Variants in DLGAP4 observed in about 807,000 individuals in gnomAD.
DLGAP4 encodes DLG associated protein 4.
DLGAP4 carries 18 observed loss-of-function variants against 86.9 expected under a neutral mutation model. That is an observed-to-expected ratio of 0.21 (90% CI 0.14 to 0.31). DLGAP4 has a LOEUF of 0.31. DLGAP4 is among the 10% of genes least tolerant of loss of function. The pLI is 1.00. For missense variants in DLGAP4, 1,085 were observed against 1,362.6 expected (o/e 0.80, Z 3.21); for synonymous variants, 548 against 574.3 (o/e 0.95, Z 0.65).
intron 7 of DLGAP4, chr20:36,462,510 C>T: frequency 6.2e-7 from 1 of 1,600,656 alleles, no homozygotes; most frequent in Non-Finnish European, 8.5e-7. Flanking sequence ...CTCCTTGTCT[C>T]CCTCTCCCTT....
intron 10 of DLGAP4, among the ~76,000 whole-genome samples, chr20:36,505,092 A>G (rs2036304855): frequency 6.6e-6 from 1 of 151,960 alleles, no homozygotes; most frequent in African/African-American, 2.4e-5. Context: ...GGTTCAGGCA[A>G]TTCTCCTGCC....
chr20:36,526,333 G>A (rs6014937), intron 12 of DLGAP4, among the ~76,000 whole-genome samples: 82 of 152,266 alleles, frequency 5.4e-4, no homozygotes, highest in African/African-American at 1.9e-3. Flanking sequence ...CTGCTGCCAG[G>A]AGTCCTGGGG....
At chr20:36,317,286 T>TA (rs1363126960) in intron 1 of DLGAP4, among the ~76,000 whole-genome samples, 8,997 of 41,606 alleles carry the variant, frequency 0.22, 572 homozygotes, top group East Asian at 0.3. Flanking sequence ...TTATCTTTCT[T>TA]TCTTTCTTAT....
chr20:36,327,880 C>T (rs1169989007), intron 1 of DLGAP4, among the ~76,000 whole-genome samples: 3 of 148,486 alleles, frequency 2.0e-5, no homozygotes, highest in Admixed American at 1.3e-4. Flanking sequence ...CGTGAGCCAC[C>T]GCGCCCGGCA....
chr20:36,520,803 G>A (rs777455878), intron 10 of DLGAP4, among the ~76,000 whole-genome samples: 2 of 150,988 alleles, frequency 1.3e-5, no homozygotes, highest in African/African-American at 2.4e-5. Context: ...AAAATCCAAG[G>A]TCATGGAGAT....
intron 7 of DLGAP4, among the ~76,000 whole-genome samples, chr20:36,455,319 C>T (rs11905614): frequency 6.6e-6 from 1 of 152,106 alleles, no homozygotes; most frequent in Non-Finnish European, 1.5e-5. Flanking sequence ...GGCCCTCCTC[C>T]CCGTCCTCCC....
intron 7 of DLGAP4, among the ~76,000 whole-genome samples, chr20:36,453,225 T>A (rs569190538): frequency 4.6e-5 from 7 of 152,222 alleles, no homozygotes; most frequent in African/African-American, 1.7e-4. Context: ...CCCAGCACCG[T>A]AGGGAGGATC....
chr20:36,318,102 CCTCTCA>C lies in DLGAP4; in HGVS notation c.-304+11592_-304+11597del, dbSNP rs1175457034. Among the ~76,000 whole-genome samples the C allele has an allele frequency of 2.7e-3, 313 of 117,224 alleles. 2 individuals carry two copies. The highest frequency in any genetic ancestry group is 0.017 in the Middle Eastern group (4 of 230). 76.9% of individuals were successfully genotyped at this position (117,224 alleles called of 152,430 possible). ...CAGCTTAAAGCAGTAATAAATGTGT[CCTCTCA>C]CACACACACACACACACACACACAC... On this transcript the variant is annotated intron_variant, in intron 1 of 12. Coordinates refer to ENST00000339266, the MANE Select transcript of DLGAP4 (RefSeq NM_001365621.2).
intron 2 of DLGAP4, among the ~76,000 whole-genome samples, chr20:36,408,549 C>G (rs2032393542): frequency 6.6e-6 from 1 of 152,180 alleles, no homozygotes; most frequent in Admixed American, 6.5e-5. Context: ...CAGGTTTCAT[C>G]CTGCCATTGC....
At chr20:36,358,571 C>CT (rs1555894013) in intron 1 of DLGAP4, among the ~76,000 whole-genome samples, 1 of 152,178 alleles carries the variant, frequency 6.6e-6, no homozygotes, top group Non-Finnish European at 1.5e-5. Context: ...CTTTGGGAGA[C>CT]TGAGGTGGGC....
intron 1 of DLGAP4, among the ~76,000 whole-genome samples, chr20:36,325,279 T>G (rs1422262791): frequency 7.9e-5 from 12 of 152,136 alleles, no homozygotes; most frequent in Non-Finnish European, 1.5e-4. Context: ...GGGATCTTTC[T>G]GTTAATTGTT....
chr20:36,383,847 C>T (rs2031491650), intron 2 of DLGAP4, among the ~76,000 whole-genome samples: 2 of 151,894 alleles, frequency 1.3e-5, no homozygotes, highest in African/African-American at 4.8e-5. Context: ...TGGTGGCGAG[C>T]GCCTGTAGTC....
At chr20:36,361,865 G>C (rs2030532643) in intron 1 of DLGAP4, among the ~76,000 whole-genome samples, 1 of 151,752 alleles carries the variant, frequency 6.6e-6, no homozygotes, top group Non-Finnish European at 1.5e-5. Flanking sequence ...TGTAGTCCCA[G>C]CTACTCGGGA....
chr20:36,517,473 G>T (rs2037116001), intron 10 of DLGAP4, among the ~76,000 whole-genome samples: 1 of 151,936 alleles, frequency 6.6e-6, no homozygotes, highest in Non-Finnish European at 1.5e-5. Context: ...CAACGTGTTG[G>T]CCAGGTTGAC....
chr20:36,338,861 G>A (rs182180259), intron 1 of DLGAP4, among the ~76,000 whole-genome samples: 1 of 152,342 alleles, frequency 6.6e-6, no homozygotes, highest in Non-Finnish European at 1.5e-5. Context: ...GGTGAAGAGG[G>A]AGAGAAGGGC....
chr20:36,411,231 C>A (rs2032489145), intron 2 of DLGAP4, among the ~76,000 whole-genome samples: 1 of 152,148 alleles, frequency 6.6e-6, no homozygotes, highest in Non-Finnish European at 1.5e-5. Flanking sequence ...CTCAGGTGAT[C>A]CGCCCACCTC....
At position 36,372,609 on chromosome 20, in the gene DLGAP4, G is replaced by A. The variant is rs559428693; in HGVS notation, c.-73+5334G>A. ...CTAAGAGAATCTTAAATCTCAGGCAGAACAACGTACACTCGTGAAGTCAAA... is the reference window on the plus strand; with the variant it reads ...CTAAGAGAATCTTAAATCTCAGGCAAAACAACGTACACTCGTGAAGTCAAA... On this transcript the variant is annotated intron_variant, in intron 2 of 12. Transcript: ENST00000339266. Among the ~76,000 whole-genome samples, 6 of 151,410 alleles carry A rather than the reference G, an allele frequency of 4.0e-5. 1 individual carries two copies. In the South Asian group the frequency reaches 1.0e-3, roughly 26 times the overall value.
chr20:36,453,997 A>T (rs1203368549), intron 7 of DLGAP4, among the ~76,000 whole-genome samples: 1 of 149,986 alleles, frequency 6.7e-6, no homozygotes, highest in Non-Finnish European at 1.5e-5. Context: ...GAGTCCGGGC[A>T]CAGTGGCTCA....
At chr20:36,342,718 G>A (rs2065396346) in intron 1 of DLGAP4, among the ~76,000 whole-genome samples, 1 of 152,218 alleles carries the variant, frequency 6.6e-6, no homozygotes, top group Non-Finnish European at 1.5e-5. Context: ...GTCCTGGTGG[G>A]GAAACTGAGG....
Sources: allele counts gnomAD v4.1 joint callset (sites outside exome capture counted in the v4.1 genomes callset), GRCh38; gene constraint gnomAD v4.1.1; transcripts MANE v1.5; gene names NCBI Gene and HGNC (gene_info 2026-07-23, HGNC 2026-07-21).